The following ADGRE3 variants were observed in gnomAD, a reference collection of about 807,000 sequenced individuals.
ADGRE3 encodes adhesion G protein-coupled receptor E3.
In ADGRE3, 88 loss-of-function variants were observed where a neutral mutation model predicts 80.1. The observed-to-expected ratio is 1.10, with a 90% CI of 0.93 to 1.31. ADGRE3 has a LOEUF of 1.31. Ranked by LOEUF, ADGRE3 falls within the 40% of genes most tolerant of loss-of-function variation. The pLI is 0.00. For synonymous variants in ADGRE3, 281 were observed against 294.8 expected (o/e 0.95, Z 0.48); for missense variants, 715 against 776.5 (o/e 0.92, Z 0.94).
At chr19:14,667,049 G>A (rs988781282) in intron 2 of ADGRE3, among the ~76,000 whole-genome samples, 2 of 152,158 alleles carry the variant, frequency 1.3e-5, no homozygotes, top group Non-Finnish European at 2.9e-5. Flanking sequence ...GTCCCTTCAT[G>A]TAGTGTCAGG....
the ADGRE3 span, among the ~76,000 whole-genome samples, chr19:14,608,694 T>C: frequency 6.8e-6 from 1 of 145,992 alleles, no homozygotes; most frequent in Admixed American, 7.1e-5. Flanking sequence ...AGTGCAGTGG[T>C]GCAGTCTTGA....
Position 14,655,050 on chromosome 19 carries a change from G to T in ADGRE3, c.509C>A (p.Ser170Ter). ...TTTCAAGGCAGTTTCTAGAACTTTC[G>T]ATTCCACATCCCGGAGAATAGTGGT... Reference protein sequence around the residue: ...TATTILRDVESKVLETALKDP... With the variant: ...TATTILRDVE The change falls in exon 6 of 16, where the codon TCG becomes TAG. Residue 170 changes from serine to a stop codon, truncating the protein, a stop_gained. Coordinates refer to ENST00000253673, the MANE Select transcript of ADGRE3 (RefSeq NM_032571.5). LOFTEE classifies it high-confidence loss of function. The T allele has an allele frequency of 6.2e-7, 1 of 1,614,004 alleles. No individual in the cohort carries two copies. The highest frequency in any genetic ancestry group is 8.5e-7 in the Non-Finnish European group (1 of 1,179,968).
Position 14,664,333 on chromosome 19 carries a change from G to A in ADGRE3, c.77-793C>T, listed in dbSNP as rs148081752. ...ATGCCTGTAATCCCAGCTACTCAGG[G>A]GGCTGAGGCAGGAGAATGGCTTGAA... On this transcript the variant is annotated intron_variant, in intron 2 of 15. Transcript: ENST00000253673. Among the ~76,000 whole-genome samples, 1,149 of 151,754 alleles carry A rather than the reference G, an allele frequency of 7.6e-3. 14 individuals are homozygous for A. The highest frequency in any genetic ancestry group is 0.027 in the African/African-American group (1,112 of 41,354).
chr19:14,611,446 T>C, the ADGRE3 span, among the ~76,000 whole-genome samples: 2 of 139,076 alleles, frequency 1.4e-5, no homozygotes, highest in Admixed American at 1.6e-4. Flanking sequence ...GGCACAATCA[T>C]AGCTTACTGC....
At chr19:14,664,437 T>G (rs577073573) in intron 2 of ADGRE3, among the ~76,000 whole-genome samples, 66 of 152,218 alleles carry the variant, frequency 4.3e-4, no homozygotes, top group Middle Eastern at 6.8e-3. Flanking sequence ...TGAGCACGCC[T>G]GTTGACATCT....
At chr19:14,601,148 C>G in the ADGRE3 span, among the ~76,000 whole-genome samples, 1 of 151,894 alleles carries the variant, frequency 6.6e-6, no homozygotes, top group African/African-American at 2.4e-5. Flanking sequence ...GGTGATCCTC[C>G]CACCTCTGCC....
intron 15 of ADGRE3, among the ~76,000 whole-genome samples, chr19:14,620,451 T>G: frequency 7.8e-6 from 1 of 128,730 alleles, no homozygotes; most frequent in Non-Finnish European, 1.6e-5. Context: ...TATTCATGTA[T>G]ATATGAATAT....
chr19:14,600,587 C>A, the ADGRE3 span, among the ~76,000 whole-genome samples: 1 of 145,344 alleles, frequency 6.9e-6, no homozygotes, highest in Non-Finnish European at 1.5e-5. Context: ...CTTTTCTTTT[C>A]TTTTTTTTTT....
the ADGRE3 span, among the ~76,000 whole-genome samples, chr19:14,603,343 G>A: frequency 6.6e-6 from 1 of 152,102 alleles, no homozygotes; most frequent in African/African-American, 2.4e-5. Flanking sequence ...ATGATCCTGG[G>A]AAGGTTACTT....
chr19:14,601,645 G>T, the ADGRE3 span, among the ~76,000 whole-genome samples: 2 of 152,030 alleles, frequency 1.3e-5, no homozygotes, highest in Non-Finnish European at 2.9e-5. Context: ...CAGGGACAAG[G>T]TCTCACTCTG....
In ADGRE3 at chr19:14,630,156, C is replaced by T; in HGVS notation, c.1695G>A (p.Trp565Ter). 1 of 1,613,380 alleles carries T rather than the reference C, an allele frequency of 6.2e-7. No homozygotes were observed. The highest frequency in any genetic ancestry group is 8.5e-7 in the Non-Finnish European group (1 of 1,179,504). ...GACCCACCTGTAGCAAGCCCAGACA[C>T]CATGTGCAGCCCAGGATGAAGAGCT... ...TAQLFILGCT[W>*]CLGLLQVGPA... The change falls in exon 14 of 16, where the codon TGG becomes TGA. Residue 565 changes from tryptophan to a stop codon, truncating the protein, a stop_gained. Coordinates refer to ENST00000253673, the MANE Select transcript of ADGRE3 (RefSeq NM_032571.5). LOFTEE classifies it high-confidence loss of function.
chr19:14,618,018 A>C (rs1219845247), downstream of ADGRE3, among the ~76,000 whole-genome samples: 1 of 152,008 alleles, frequency 6.6e-6, no homozygotes, highest in Non-Finnish European at 1.5e-5. Flanking sequence ...TACATTCTTT[A>C]ATTTTTTTAT....
chr19:14,632,875 C>A, intron 13 of ADGRE3, 46 bp downstream of exon 13: 1 of 1,310,076 alleles, frequency 7.6e-7, no homozygotes, highest in Non-Finnish European at 1.1e-6. Flanking sequence ...GTAGGAAGGA[C>A]TGGCAGAAGG....
At chr19:14,650,994 T>C in intron 7 of ADGRE3, 91 bp downstream of exon 7, 1 of 1,358,964 alleles carries the variant, frequency 7.4e-7, no homozygotes, top group Non-Finnish European at 1.0e-6. Flanking sequence ...AAAAAGCCCA[T>C]GAGGGGAGAG....
chr19:14,608,371 C>T, the ADGRE3 span, among the ~76,000 whole-genome samples: 1 of 152,120 alleles, frequency 6.6e-6, no homozygotes, highest in African/African-American at 2.4e-5. Context: ...TATTTTGGTA[C>T]ACCACCCCCA....
the ADGRE3 span, among the ~76,000 whole-genome samples, chr19:14,602,710 T>C: frequency 0.024 from 3,727 of 152,150 alleles, 75 homozygotes; most frequent in South Asian, 0.044. Flanking sequence ...TCCCTCTGTT[T>C]CATAGCATTA....
rs200188037 is a variant in ADGRE3, at chr19:14,641,480, G to A, written c.1187C>T (p.Ser396Leu). The A allele has an allele frequency of 7.4e-6, 12 of 1,613,850 alleles. No homozygotes were observed. The highest frequency in any genetic ancestry group is 4.5e-5 in the East Asian group (2 of 44,880). ...GAGGTGGGCCAGGAAGAGGCAGAGC[G>A]AGAGCTGCAGATGCAGTGAGGTGCT... ...NTSTSLHLQL[S>L]LCLFLAHLLF... is the part of the protein sequence containing the mutation. The change falls in exon 10 of 16, where the codon TCG becomes TTG. Residue 396 changes from serine (S) to leucine (L), a missense_variant. Physicochemically the swap from Ser to Leu is moderately radical, Grantham distance 145. Coordinates refer to ENST00000253673, the MANE Select transcript of ADGRE3 (RefSeq NM_032571.5).
At chr19:14,672,300 G>A (rs926450882) in intron 1 of ADGRE3, among the ~76,000 whole-genome samples, 1 of 152,174 alleles carries the variant, frequency 6.6e-6, no homozygotes, top group Admixed American at 6.6e-5. Flanking sequence ...GAATCCCAGA[G>A]TTCTAAGAAA....
At chr19:14,639,743 T>G (rs1361522617) in intron 10 of ADGRE3, among the ~76,000 whole-genome samples, 1 of 152,136 alleles carries the variant, frequency 6.6e-6, no homozygotes, top group Admixed American at 6.6e-5. Context: ...CTGAAGGCAG[T>G]TGAGAAGAAG....
Sources: allele counts gnomAD v4.1 joint callset (sites outside exome capture counted in the v4.1 genomes callset), GRCh38; gene constraint gnomAD v4.1.1; transcripts MANE v1.5; gene names NCBI Gene and HGNC (gene_info 2026-07-23, HGNC 2026-07-21).